Variants in NDUFB6 observed in about 807,000 individuals in gnomAD.
NDUFB6 encodes NADH:ubiquinone oxidoreductase subunit B6, also known as NADH dehydrogenase [ubiquinone] 1 beta subcomplex subunit 6.
Under a neutral mutation model 17.5 loss-of-function variants are expected in NDUFB6, and 23 were observed. The observed-to-expected ratio is 1.31, with a 90% confidence interval of 0.94 to 1.86. The LOEUF is 1.86. Among genes scored for constraint, NDUFB6 ranks in the 40% most tolerant of loss-of-function variants. NDUFB6 has a pLI of 0.00. For synonymous variants in NDUFB6, 60 were observed against 53.5 expected (o/e 1.12, Z -0.53); for missense variants, 167 against 153.8 (o/e 1.09, Z -0.46).
chr9:32,560,305 AC>A (rs1821589757), intron 2 of NDUFB6, among the ~76,000 whole-genome samples: 1 of 152,230 alleles, frequency 6.6e-6, no homozygotes, highest in Non-Finnish European at 1.5e-5. Flanking sequence ...GGAAGTGTGA[AC>A]CCTCAGATAA....
At chr9:32,558,352 C>T (rs907306838) in intron 3 of NDUFB6, among the ~76,000 whole-genome samples, 19 of 152,162 alleles carry the variant, frequency 1.2e-4, no homozygotes, top group African/African-American at 3.9e-4. Flanking sequence ...ACCTCACGAT[C>T]CACCCATCTT....
chr9:32,565,974 A>C (rs1461344193), intron 2 of NDUFB6, among the ~76,000 whole-genome samples: 1 of 152,184 alleles, frequency 6.6e-6, no homozygotes, highest in Non-Finnish European at 1.5e-5. Flanking sequence ...CTCCACCTAC[A>C]AAAAACAAAC....
chr9:32,558,961 TA>T lies in NDUFB6; in HGVS notation c.274-8del. On this transcript the variant is annotated splice_region_variant and splice_polypyrimidine_tract_variant and intron_variant, in intron 2 of 3. Transcript: ENST00000379847. ...CTATGCCATATGGTTTTTCCTGTAA[TA>T]AAAGTTAACTCTGTGTTAATTATGG... is the stretch of plus-strand genomic sequence containing the variant. The T allele has an allele frequency of 1.3e-6, 2 of 1,576,830 alleles. No homozygotes were observed. The highest frequency in any genetic ancestry group is 1.7e-4 in the Middle Eastern group (1 of 5,860).
At chr9:32,564,569 T>C (rs1187799324) in intron 2 of NDUFB6, among the ~76,000 whole-genome samples, 1 of 152,110 alleles carries the variant, frequency 6.6e-6, no homozygotes, top group Non-Finnish European at 1.5e-5. Context: ...TTCAAAAAAA[T>C]TCAAGTATCA....
At chr9:32,561,811 C>T (rs1029761847) in intron 2 of NDUFB6, among the ~76,000 whole-genome samples, 1 of 152,180 alleles carries the variant, frequency 6.6e-6, no homozygotes, top group African/African-American at 2.4e-5. Flanking sequence ...TATTTTTCTT[C>T]TTCATCCCTG....
intron 2 of NDUFB6, chr9:32,566,969 C>T (rs918986459): frequency 5.8e-6 from 3 of 514,912 alleles, no homozygotes; most frequent in African/African-American, 3.8e-5. Flanking sequence ...TCGGCATCGT[C>T]GAGGACGCTT....
chr9:32,557,573 A>G lies in NDUFB6; in HGVS notation c.318+1337T>C, dbSNP rs1298351025. ...CAGCTCACTGCAACCTCCGCCTTCC[A>G]GTTTCAAGCAATTTTCCTGCCTCAG... On this transcript the variant is annotated intron_variant, in intron 3 of 3. Coordinates refer to ENST00000379847, the MANE Select transcript of NDUFB6 (RefSeq NM_002493.5). Among the ~76,000 whole-genome samples, 5 of 150,964 alleles carry G rather than the reference A, an allele frequency of 3.3e-5. No homozygotes were observed. The East Asian group carries it at 7.8e-4, about 24-fold the overall frequency.
chr9:32,570,635 G>A (rs529954523), intron 2 of NDUFB6, among the ~76,000 whole-genome samples: 13 of 152,118 alleles, frequency 8.5e-5, no homozygotes, highest in African/African-American at 3.1e-4. Context: ...ACGAGATACA[G>A]GTTTTTAAAA....
At chr9:32,569,793 G>T (rs1168340066) in intron 2 of NDUFB6, among the ~76,000 whole-genome samples, 1 of 152,154 alleles carries the variant, frequency 6.6e-6, no homozygotes, top group Admixed American at 6.5e-5. Flanking sequence ...TAGGGCTACA[G>T]GTGGGAGCCA....
In NDUFB6 at chr9:32,553,893, G is replaced by A. The variant is rs1372793597; in HGVS notation, c.370C>T (p.Pro124Ser). The A allele has an allele frequency of 1.3e-6, 2 of 1,594,764 alleles. No homozygotes were observed. Among genetic ancestry groups the A allele is most frequent in the South Asian group, 2.2e-5 (2 of 90,442 alleles). The change falls in exon 4 of 4, where the codon CCT becomes TCT. Residue 124 changes from proline to serine, a missense_variant. Coordinates refer to ENST00000379847, the MANE Select transcript of NDUFB6 (RefSeq NM_002493.5). ...CATAATCTTTAATGATGTTGATCAG[G>A]AAATTCTTTCATTGGTGGAATTACT... ...GEVIPPMKEF[P>S]DQHH
At chr9:32,564,371 A>G (rs939750858) in intron 2 of NDUFB6, among the ~76,000 whole-genome samples, 14 of 152,064 alleles carry the variant, frequency 9.2e-5, no homozygotes, top group African/African-American at 3.4e-4. Flanking sequence ...TGCACTTCAC[A>G]TATATTGTGT....
chr9:32,566,378 C>G, intron 2 of NDUFB6: 1 of 1,100,466 alleles, frequency 9.1e-7, no homozygotes, highest in Non-Finnish European at 1.4e-6. Flanking sequence ...TTTGTTTCCA[C>G]TATGTGATCC....
chr9:32,555,907 T>C (rs1016360910), intron 3 of NDUFB6, among the ~76,000 whole-genome samples: 19 of 152,228 alleles, frequency 1.2e-4, no homozygotes, highest in Non-Finnish European at 2.2e-4. Context: ...GAGTGAGATT[T>C]CAGGATTGCC....
chr9:32,557,637 G>A, intron 3 of NDUFB6, among the ~76,000 whole-genome samples: 1 of 150,870 alleles, frequency 6.6e-6, no homozygotes, highest in East Asian at 2.0e-4. Context: ...CCGCCACCAC[G>A]CACGGTAATT....
At position 32,553,053 on chromosome 9, in the gene NDUFB6, CAAATTT is replaced by C. The variant is rs762318463; in HGVS notation, c.*817_*822del. 1 of 527,154 alleles carries C rather than the reference CAAATTT, an allele frequency of 1.9e-6. No individual in the cohort carries two copies. Among genetic ancestry groups the C allele is most frequent in the Non-Finnish European group, 3.4e-6 (1 of 298,190 alleles). 32.7% of individuals were successfully genotyped at this position (527,154 alleles called of 1,614,324 possible). On this transcript the variant is annotated 3_prime_UTR_variant, in exon 4 of 4. Transcript: ENST00000379847. ...ATCCTTTATAACAAGCACTAGTATG[CAAATTT>C]TTCACTTAGAGATTTTAGTATTTTA...
chr9:32,558,992 A>C, intron 2 of NDUFB6, 38 bp from the exon 3 acceptor site: 1 of 1,451,238 alleles, frequency 6.9e-7, no homozygotes, highest in South Asian at 1.3e-5. Context: ...TTATGGTGTT[A>C]AGAGTTTCTT....
rs1821369905 is a variant in NDUFB6, at chr9:32,553,677, A to T, written c.*199T>A. On this transcript the variant is annotated 3_prime_UTR_variant, in exon 4 of 4. Transcript: ENST00000379847. ...TCAAGAATGACCAGAAAAAGTAGGT[A>T]GTCTCTCATATTTGTTTAGCATGTC... 1 of 522,714 alleles carries T rather than the reference A, an allele frequency of 1.9e-6. No homozygotes were observed. The highest frequency in any genetic ancestry group is 3.4e-6 in the Non-Finnish European group (1 of 293,572). 32.4% of individuals were successfully genotyped at this position (522,714 alleles called of 1,614,324 possible).
intron 2 of NDUFB6, among the ~76,000 whole-genome samples, chr9:32,570,392 C>T (rs973693088): frequency 3.3e-5 from 5 of 152,168 alleles, no homozygotes; most frequent in African/African-American, 1.2e-4. Context: ...AAAATGCATG[C>T]CCTTCTCATT....
At chr9:32,560,395 G>C (rs866359291) in intron 2 of NDUFB6, among the ~76,000 whole-genome samples, 1 of 152,074 alleles carries the variant, frequency 6.6e-6, no homozygotes, top group African/African-American at 2.4e-5. Flanking sequence ...ATGTCTTTTC[G>C]ATCCCAGAAA....
Sources: gnomAD v4.1 joint callset for allele counts (sites outside exome capture counted in the v4.1 genomes callset) on GRCh38, gnomAD v4.1.1 for gene constraint, MANE v1.5 for transcripts, NCBI Gene and HGNC (gene_info 2026-07-23, HGNC 2026-07-21) for gene names.